Variants in KCNQ5 observed in about 807,000 individuals in gnomAD.
The protein encoded by KCNQ5 is potassium voltage-gated channel subfamily KQT member 5.
Under a neutral mutation model 98.2 loss-of-function variants are expected in KCNQ5, and 30 were observed. That is an observed-to-expected ratio of 0.31 (90% CI 0.23 to 0.41). The LOEUF (loss-of-function observed/expected upper bound fraction) is 0.41. Ranked by LOEUF, KCNQ5 falls within the 10% of genes least tolerant of loss-of-function variation. The pLI, the probability that KCNQ5 is intolerant of heterozygous loss-of-function variation, is 1.00. For missense variants in KCNQ5, 835 were observed against 1,182.5 expected (o/e 0.71, Z 4.31); for synonymous variants, 458 against 449.4 (o/e 1.02, Z -0.24).
At chr6:73,035,065 T>C (rs540257298) in intron 2 of KCNQ5, among the ~76,000 whole-genome samples, 1 of 152,240 alleles carries the variant, frequency 6.6e-6, no homozygotes, top group Admixed American at 6.5e-5. Context: ...CAGGATGGTC[T>C]CGATCTCCTG....
intron 2 of KCNQ5, among the ~76,000 whole-genome samples, chr6:73,021,833 A>G (rs1407049590): frequency 6.6e-6 from 1 of 152,200 alleles, no homozygotes; most frequent in East Asian, 1.9e-4. Flanking sequence ...GGCAACTGTA[A>G]TTAAGTAATG....
chr6:72,976,632 A>C (rs765926507), intron 1 of KCNQ5, among the ~76,000 whole-genome samples: 1 of 152,188 alleles, frequency 6.6e-6, no homozygotes, highest in Non-Finnish European at 1.5e-5. Context: ...ATTCATTAGC[A>C]TGGTAGCCAG....
intron 2 of KCNQ5, among the ~76,000 whole-genome samples, chr6:73,004,228 G>A (rs1769720292): frequency 6.6e-6 from 1 of 152,138 alleles, no homozygotes. Flanking sequence ...ATCTTGTGTT[G>A]TAGATATATC....
chr6:72,948,460 T>C (rs1766645750), intron 1 of KCNQ5, among the ~76,000 whole-genome samples: 1 of 152,000 alleles, frequency 6.6e-6, no homozygotes, highest in Non-Finnish European at 1.5e-5. Context: ...CCTTTCTCTC[T>C]GTTCCATGAG....
chr6:73,044,024 G>T (rs1186827157), intron 3 of KCNQ5, among the ~76,000 whole-genome samples: 1 of 152,144 alleles, frequency 6.6e-6, no homozygotes, highest in African/African-American at 2.4e-5. Flanking sequence ...AGTCACTCCT[G>T]CCTGTAATCC....
At position 72,986,759 on chromosome 6, in the gene KCNQ5, C is replaced by T. The variant is rs1441020187; in HGVS notation, c.399-17149C>T. On this transcript the variant is annotated intron_variant, in intron 1 of 13. Transcript: ENST00000370398. ...CTCTGGGGTGAAAACCTCCCCAGAC[C>T]CCAGACAGGGTGAAGAGGAAACCAG... 14 of 1,480,874 alleles carry T rather than the reference C, an allele frequency of 9.5e-6. No individual in the cohort carries two copies. In the South Asian group the frequency reaches 1.6e-4, roughly 17 times the overall value. 91.7% of individuals were successfully genotyped at this position (1,480,874 alleles called of 1,614,324 possible).
At chr6:72,764,151 A>C (rs1413656088) in intron 1 of KCNQ5, among the ~76,000 whole-genome samples, 1 of 152,042 alleles carries the variant, frequency 6.6e-6, no homozygotes, top group Admixed American at 6.6e-5. Flanking sequence ...GGAAATGTTC[A>C]TATGTGACAT....
At chr6:72,910,272 G>T (rs1779875723) in intron 1 of KCNQ5, among the ~76,000 whole-genome samples, 1 of 152,040 alleles carries the variant, frequency 6.6e-6, no homozygotes, top group Admixed American at 6.6e-5. Context: ...TTTAGAGCTG[G>T]ACAGGACCTT....
chr6:72,962,825 C>T (rs12203617), intron 1 of KCNQ5, among the ~76,000 whole-genome samples: 14,899 of 152,152 alleles, frequency 0.098, 861 homozygotes, highest in East Asian at 0.23. Flanking sequence ...TGTCCCTCTG[C>T]AAAGGACCTT....
chr6:72,872,268 T>G (rs1204188763), intron 1 of KCNQ5, among the ~76,000 whole-genome samples: 1 of 152,180 alleles, frequency 6.6e-6, no homozygotes, highest in African/African-American at 2.4e-5. Flanking sequence ...AATTCTAATT[T>G]TAAGTTAAAT....
At chr6:73,028,725 G>T (rs565146871) in intron 2 of KCNQ5, among the ~76,000 whole-genome samples, 1 of 152,280 alleles carries the variant, frequency 6.6e-6, no homozygotes, top group African/African-American at 2.4e-5. Context: ...TCTTGTTAAT[G>T]TCCTGTAAAT....
chr6:73,123,814 C>A (rs1313602969), intron 8 of KCNQ5, among the ~76,000 whole-genome samples: 2 of 152,062 alleles, frequency 1.3e-5, no homozygotes, highest in Non-Finnish European at 2.9e-5. Context: ...TAACCTAAAG[C>A]CTTTGATTTA....
intron 2 of KCNQ5, 55 bp from the exon 3 acceptor site, chr6:73,041,881 T>G: frequency 6.2e-7 from 1 of 1,607,052 alleles, no homozygotes; most frequent in Non-Finnish European, 8.5e-7. Context: ...TAGAGCTTCT[T>G]ACTGTGGTTT....
At chr6:73,063,982 T>C (rs1329635566) in intron 3 of KCNQ5, among the ~76,000 whole-genome samples, 1 of 152,104 alleles carries the variant, frequency 6.6e-6, no homozygotes, top group East Asian at 1.9e-4. Context: ...AATAGGAAAT[T>C]GTGCATTGAA....
chr6:72,914,664 A>G (rs1314288722), intron 1 of KCNQ5, among the ~76,000 whole-genome samples: 1 of 151,634 alleles, frequency 6.6e-6, no homozygotes, highest in African/African-American at 2.4e-5. Context: ...TCCCATTGCT[A>G]TGACAAAAGA....
intron 1 of KCNQ5, among the ~76,000 whole-genome samples, chr6:72,630,025 A>C (rs1582005399): frequency 6.6e-6 from 1 of 152,318 alleles, no homozygotes; most frequent in East Asian, 1.9e-4. Flanking sequence ...CATCATATAC[A>C]TTTGTGTATT....
At chr6:73,152,732 C>A (rs927160787) in intron 10 of KCNQ5, among the ~76,000 whole-genome samples, 1 of 152,170 alleles carries the variant, frequency 6.6e-6, no homozygotes, top group South Asian at 2.1e-4. Context: ...TAACTTTGAT[C>A]TTCACCATAG....
At chr6:72,657,747 A>G (rs1766270273) in intron 1 of KCNQ5, among the ~76,000 whole-genome samples, 1 of 152,240 alleles carries the variant, frequency 6.6e-6, no homozygotes, top group African/African-American at 2.4e-5. Flanking sequence ...TACAGCTTTT[A>G]TATTTGTCGA....
intron 1 of KCNQ5, among the ~76,000 whole-genome samples, chr6:72,981,253 C>T (rs1222391946): frequency 1.3e-5 from 2 of 151,954 alleles, no homozygotes; most frequent in African/African-American, 4.8e-5. Context: ...CTCTTTGTAC[C>T]GCTGGTAGAA....
Sources: allele counts gnomAD v4.1 joint callset (sites outside exome capture counted in the v4.1 genomes callset), GRCh38; gene constraint gnomAD v4.1.1; transcripts MANE v1.5; gene names NCBI Gene and HGNC (gene_info 2026-07-23, HGNC 2026-07-21).